GRK4: variants seen among roughly 807,000 people sequenced by gnomAD.
GRK4 encodes G protein-coupled receptor kinase 4.
GRK4 carries 73 observed loss-of-function variants against 77.9 expected under a neutral mutation model. The observed-to-expected ratio is 0.94, with a 90% CI of 0.78 to 1.14. The LOEUF is 1.14. Ranked by LOEUF, GRK4 falls within the 50% of genes most tolerant of loss-of-function variation. The pLI, the probability that GRK4 is intolerant of heterozygous loss-of-function variation, is 0.00. For missense variants in GRK4, 729 were observed against 700.2 expected, an observed-to-expected ratio of 1.04 and a Z score of -0.46; for synonymous variants, 257 against 254.4, an observed-to-expected ratio of 1.01 and a Z score of -0.10.
intron 4 of GRK4, among the ~76,000 whole-genome samples, chr4:3,003,728 T>G (rs549456139): frequency 1.1e-4 from 16 of 152,178 alleles, no homozygotes; most frequent in Admixed American, 4.6e-4. Flanking sequence ...GTGTGTGTGT[T>G]TTTTTGTTTG....
At chr4:3,037,100 TGTGAGA>T (rs1740945104) in intron 13 of GRK4, among the ~76,000 whole-genome samples, 1 of 151,120 alleles carries the variant, frequency 6.6e-6, no homozygotes, top group Non-Finnish European at 1.5e-5. Flanking sequence ...TGTGTGTGTG[TGTGAGA>T]AAGAGGGAGA....
At chr4:2,991,057 C>T (rs1234575028) in intron 3 of GRK4, among the ~76,000 whole-genome samples, 1 of 152,186 alleles carries the variant, frequency 6.6e-6, no homozygotes, top group African/African-American at 2.4e-5. Context: ...AGGATTCAAC[C>T]AGAGAACTAG....
intron 10 of GRK4, among the ~76,000 whole-genome samples, chr4:3,025,753 C>T (rs187514641): frequency 1.5e-3 from 235 of 151,942 alleles, no homozygotes; most frequent in African/African-American, 4.8e-3. Flanking sequence ...AAGATAACAC[C>T]GCAAAATAGA....
chr4:3,033,942 T>G (rs1370150359), intron 12 of GRK4, among the ~76,000 whole-genome samples: 1 of 152,224 alleles, frequency 6.6e-6, no homozygotes, highest in Non-Finnish European at 1.5e-5. Context: ...GAGCAACTGT[T>G]ACTGAGCGCC....
chr4:3,001,383 T>G (rs999595913), intron 4 of GRK4, among the ~76,000 whole-genome samples: 12 of 136,852 alleles, frequency 8.8e-5, no homozygotes, highest in Non-Finnish European at 6.3e-5. Context: ...TTTTTTTTTT[T>G]GAGATGGAGT....
chr4:3,001,089 A>ATATATATATATGTGTGTG lies in GRK4; in HGVS notation c.340-3141_340-3140insATATATATATGTGTGTGT. Among the ~76,000 whole-genome samples the ATATATATATATGTGTGTG allele has an allele frequency of 7.2e-3, 594 of 82,404 alleles. 69 individuals carry two copies. Among genetic ancestry groups the ATATATATATATGTGTGTG allele is most frequent in the Admixed American group, 0.016 (148 of 9,364 alleles). 54.1% of individuals were successfully genotyped at this position (82,404 alleles called of 152,430 possible). A position where few individuals can be genotyped will look rare whatever the true frequency, so the allele number is the denominator to read the frequency against. On this transcript the variant is annotated intron_variant, in intron 4 of 15. Coordinates refer to ENST00000398052, the MANE Select transcript of GRK4 (RefSeq NM_182982.3). ...TAAATGAGACTATATATATATATAT[A>ATATATATATATGTGTGTG]TGTGTGTGTGTGTGTGTATATATAT...
In GRK4 at chr4:3,013,742, CA is replaced by C. The variant is rs375862689; in HGVS notation, c.664del (p.Arg222GlufsTer2). On this transcript the variant is annotated frameshift_variant, in exon 8 of 16. Transcript: ENST00000398052. LOFTEE classifies it high-confidence loss of function. Reference sequence around the variant, plus strand: ...AAAAATGTATGCCTGCAAAAAGCTACAAAAAAAAAGAATAAAGAAGAGGAAA... The same window carrying C: ...AAAAATGTATGCCTGCAAAAAGCTACAAAAAAAAGAATAAAGAAGAGGAAA... The part of the protein sequence containing the change: ...TGKMYACKKL[Q>X]KKRIKKRKGE... 108 of 1,592,990 alleles carry C rather than the reference CA, an allele frequency of 6.8e-5. No homozygotes were observed. The highest frequency in any genetic ancestry group is 1.8e-4 in the South Asian group (16 of 88,522).
chr4:2,963,932 C>G lies in GRK4; in HGVS notation c.-139C>G. ...GGTGGCAGTGGTGGCGGCGGAGCAG[C>G]CTCCCGGGATCGTGTCCGGAGCTCG... On this transcript the variant is annotated 5_prime_UTR_variant, in exon 1 of 16. Coordinates refer to ENST00000398052, the MANE Select transcript of GRK4 (RefSeq NM_182982.3). 2.5e-6 allele frequency: 2 copies of G among 807,516 alleles called. No individual in the cohort carries two copies. Among genetic ancestry groups the G allele is most frequent in the Non-Finnish European group, 4.1e-6 (2 of 486,382 alleles). The allele number at this position is 807,516 out of a possible 1,614,324, so 50.0% of individuals were successfully genotyped here.
intron 4 of GRK4, among the ~76,000 whole-genome samples, chr4:3,000,142 T>C (rs1729097206): frequency 6.6e-6 from 1 of 152,146 alleles, no homozygotes; most frequent in African/African-American, 2.4e-5. Context: ...AAAACAATGA[T>C]TGATCCTTAA....
At chr4:3,031,019 A>G (rs1739024531) in intron 12 of GRK4, among the ~76,000 whole-genome samples, 1 of 152,102 alleles carries the variant, frequency 6.6e-6, no homozygotes, top group Admixed American at 6.6e-5. Context: ...GTGAGAAGTG[A>G]TGGCAGATGA....
At chr4:3,012,530 C>T (rs935952794) in intron 7 of GRK4, among the ~76,000 whole-genome samples, 1 of 152,062 alleles carries the variant, frequency 6.6e-6, no homozygotes, top group Non-Finnish European at 1.5e-5. Flanking sequence ...TTTCTTTTAC[C>T]ACCAAAATTA....
chr4:2,982,400 C>T (rs1277024271), intron 1 of GRK4, among the ~76,000 whole-genome samples: 5 of 152,212 alleles, frequency 3.3e-5, no homozygotes. Context: ...TTGCTAGTTA[C>T]TTGAGTAGTG....
At chr4:3,013,309 C>T (rs1266295189) in intron 7 of GRK4, among the ~76,000 whole-genome samples, 1 of 152,068 alleles carries the variant, frequency 6.6e-6, no homozygotes, top group African/African-American at 2.4e-5. Flanking sequence ...GCCTTGGCCT[C>T]CCAAAGTGCT....
At chr4:2,986,243 G>A (rs1578059694) in intron 2 of GRK4, among the ~76,000 whole-genome samples, 1 of 144,304 alleles carries the variant, frequency 6.9e-6, no homozygotes, top group East Asian at 2.0e-4. Context: ...TTGAAAAATG[G>A]TTTCTTTTCT....
intron 2 of GRK4, 42 bp from the exon 3 acceptor site, chr4:2,988,685 A>G (rs771478086): frequency 9.5e-7 from 1 of 1,049,608 alleles, no homozygotes; most frequent in Non-Finnish European, 1.5e-6. Context: ...GTGGACTGTA[A>G]TGATTCTATT....
chr4:2,993,036 A>T (rs1726741196), intron 4 of GRK4, among the ~76,000 whole-genome samples: 1 of 152,230 alleles, frequency 6.6e-6, no homozygotes. Context: ...TGAATTTATT[A>T]TAAATGTTCC....
At chr4:2,975,991 C>T (rs909002817) in intron 1 of GRK4, among the ~76,000 whole-genome samples, 12 of 152,150 alleles carry the variant, frequency 7.9e-5, no homozygotes, top group Admixed American at 3.3e-4. Flanking sequence ...CCCAAACAGG[C>T]CGGTTTTAGC....
intron 1 of GRK4, among the ~76,000 whole-genome samples, chr4:2,974,047 G>A (rs1412103989): frequency 2.0e-5 from 3 of 151,956 alleles, no homozygotes; most frequent in African/African-American, 4.8e-5. Flanking sequence ...ACAGGGTCTC[G>A]CTATGTTGCC....
intron 4 of GRK4, among the ~76,000 whole-genome samples, 190 bp from the exon 5 acceptor site, chr4:3,004,041 C>T (rs548549482): frequency 5.3e-5 from 8 of 152,288 alleles, no homozygotes; most frequent in South Asian, 4.1e-4. Context: ...TGATATGCAT[C>T]GGAGAAGATC....
Sources: allele counts gnomAD v4.1 joint callset (sites outside exome capture counted in the v4.1 genomes callset), GRCh38; gene constraint gnomAD v4.1.1; transcripts MANE v1.5; gene names NCBI Gene and HGNC (gene_info 2026-07-23, HGNC 2026-07-21).